SERGEF: variants seen among roughly 807,000 people sequenced by gnomAD.
The protein encoded by SERGEF is secretion-regulating guanine nucleotide exchange factor.
SERGEF carries 51 observed loss-of-function variants against 50.0 expected under a neutral mutation model. The ratio of observed to expected loss-of-function variants is 1.02; its 90% CI spans 0.81 to 1.29. The LOEUF is 1.29. Among genes scored for constraint, SERGEF ranks in the 50% most tolerant of loss-of-function variants. The pLI is 0.00. For synonymous variants in SERGEF, 205 were observed against 212.4 expected, an observed-to-expected ratio of 0.97 and a Z score of 0.30; for missense variants, 521 against 557.0, an observed-to-expected ratio of 0.94 and a Z score of 0.65.
chr11:17,998,494 TGTGA>T (rs1161389087), intron 5 of SERGEF, among the ~76,000 whole-genome samples: 7 of 118,630 alleles, frequency 5.9e-5, no homozygotes, highest in East Asian at 2.6e-4. Flanking sequence ...TATATGCATG[TGTGA>T]GTGTGTGTGT....
chr11:17,795,060 C>CT (rs1437078466), intron 10 of SERGEF, among the ~76,000 whole-genome samples: 1 of 152,202 alleles, frequency 6.6e-6, no homozygotes, highest in Non-Finnish European at 1.5e-5. Flanking sequence ...CTCCTCCTGT[C>CT]TAAGAGCACG....
At chr11:17,864,908 A>C (rs1486323432) in intron 10 of SERGEF, among the ~76,000 whole-genome samples, 1 of 152,242 alleles carries the variant, frequency 6.6e-6, no homozygotes, top group African/African-American at 2.4e-5. Context: ...CCAGGAAGGC[A>C]GCCAAAGAAT....
chr11:17,854,247 C>A (rs1173986331), intron 10 of SERGEF, among the ~76,000 whole-genome samples: 1 of 152,138 alleles, frequency 6.6e-6, no homozygotes, highest in African/African-American at 2.4e-5. Context: ...CTCTACAGAA[C>A]CAACTCCCCG....
At chr11:17,977,589 C>T (rs1244806490) in intron 8 of SERGEF, among the ~76,000 whole-genome samples, 2 of 152,134 alleles carry the variant, frequency 1.3e-5, no homozygotes, top group Non-Finnish European at 2.9e-5. Context: ...TCTGTTGCCC[C>T]CTCCCTAAAG....
chr11:17,921,164 A>C (rs1054028436), intron 9 of SERGEF, among the ~76,000 whole-genome samples: 4 of 152,226 alleles, frequency 2.6e-5, no homozygotes, highest in Non-Finnish European at 5.9e-5. Context: ...TTGGTTCTGC[A>C]TTTTGACAGT....
chr11:17,932,415 T>C (rs1344768135), intron 9 of SERGEF, among the ~76,000 whole-genome samples: 2 of 152,050 alleles, frequency 1.3e-5, no homozygotes, highest in African/African-American at 4.8e-5. Flanking sequence ...AATAAGAGGA[T>C]GGCAAGTAAG....
At chr11:17,858,215 C>G (rs1224286034) in intron 10 of SERGEF, among the ~76,000 whole-genome samples, 2 of 152,164 alleles carry the variant, frequency 1.3e-5, no homozygotes, top group Non-Finnish European at 2.9e-5. Flanking sequence ...ACACACATAA[C>G]TAGGCAACCT....
chr11:17,945,194 T>G (rs1382613491), intron 9 of SERGEF, among the ~76,000 whole-genome samples: 1 of 152,274 alleles, frequency 6.6e-6, no homozygotes, highest in Non-Finnish European at 1.5e-5. Flanking sequence ...AACCATCTTT[T>G]CTATATGCCG....
rs1749519808 is a variant in SERGEF at position 17,884,539 on chromosome 11, G to A, written c.1012-6295C>T. On this transcript the variant is annotated intron_variant, in intron 9 of 10. Coordinates refer to ENST00000265965, the MANE Select transcript of SERGEF (RefSeq NM_012139.4). This position sits in a 1 kb window ranked among gnomAD's most constrained non-coding sequence, Gnocchi z 4.6. The stretch of plus-strand genomic sequence containing the variant: ...GCTTGGAAGCTGGGCACGTTTTACA[G>A]GCACACTGCAATCCAGTGAGCCACC... Among the ~76,000 whole-genome samples, 1 of 152,118 alleles carries A rather than the reference G, an allele frequency of 6.6e-6. No homozygotes were observed. Among genetic ancestry groups the A allele is most frequent in the Admixed American group, 6.5e-5 (1 of 15,278 alleles).
chr11:17,889,651 C>A (rs1851496747), intron 9 of SERGEF, among the ~76,000 whole-genome samples: 1 of 152,040 alleles, frequency 6.6e-6, no homozygotes, highest in Non-Finnish European at 1.5e-5. Context: ...ATCATTGAGA[C>A]AACTGGAAAA....
rs1332217335 is a variant in SERGEF, at chr11:17,884,466, G to A, written c.1012-6222C>T. Among the ~76,000 whole-genome samples the A allele has an allele frequency of 6.6e-6, 1 of 152,198 alleles. No individual in the cohort carries two copies. The highest frequency in any genetic ancestry group is 6.5e-5 in the Admixed American group (1 of 15,292). ...CTGCCCAAACCCGGTTTCCATCCGT[G>A]TATCTCTGGGGTGACAACCAGAATT... On this transcript the variant is annotated intron_variant, in intron 9 of 10. Transcript: ENST00000265965. The surrounding 1 kb of genome is among the most constrained non-coding windows in gnomAD (Gnocchi z 4.6).
intron 10 of SERGEF, among the ~76,000 whole-genome samples, chr11:17,795,730 G>C (rs1233550168): frequency 6.6e-6 from 1 of 152,178 alleles, no homozygotes; most frequent in Non-Finnish European, 1.5e-5. Flanking sequence ...TTCTGGTTTA[G>C]GACTTGTGCT....
At chr11:17,909,620 A>T (rs1426364403) in intron 9 of SERGEF, among the ~76,000 whole-genome samples, 1 of 152,252 alleles carries the variant, frequency 6.6e-6, no homozygotes, top group Non-Finnish European at 1.5e-5. Flanking sequence ...CTAAGGTATC[A>T]TCATGCTATT....
chr11:17,971,563 AC>A (rs1009648822), intron 8 of SERGEF, among the ~76,000 whole-genome samples: 2 of 152,236 alleles, frequency 1.3e-5, no homozygotes, highest in Non-Finnish European at 2.9e-5. Context: ...TTTTAAGCCC[AC>A]TGTTGAGACC....
At chr11:17,919,526 G>A (rs1852114500) in intron 9 of SERGEF, among the ~76,000 whole-genome samples, 1 of 152,182 alleles carries the variant, frequency 6.6e-6, no homozygotes, top group Admixed American at 6.5e-5. Flanking sequence ...GAAGTTTGGA[G>A]TCTGGGTAAC....
chr11:17,957,083 C>T (rs1253390352), intron 9 of SERGEF, among the ~76,000 whole-genome samples: 3 of 152,196 alleles, frequency 2.0e-5, no homozygotes, highest in Non-Finnish European at 4.4e-5. Flanking sequence ...AGAGCGTCTA[C>T]ACTCCAGCAC....
intron 10 of SERGEF, among the ~76,000 whole-genome samples, chr11:17,841,236 C>T (rs1244275497): frequency 1.3e-5 from 2 of 152,194 alleles, no homozygotes; most frequent in Non-Finnish European, 2.9e-5. Context: ...CATGGAATAT[C>T]CATACCCAGA....
chr11:17,813,923 A>G (rs1849917676), intron 10 of SERGEF, among the ~76,000 whole-genome samples: 1 of 152,254 alleles, frequency 6.6e-6, no homozygotes, highest in Admixed American at 6.5e-5. Context: ...CCTGAGATGT[A>G]AACTCAGCAG....
intron 8 of SERGEF, among the ~76,000 whole-genome samples, chr11:17,974,950 C>T (rs781592317): frequency 9.2e-5 from 14 of 152,096 alleles, no homozygotes; most frequent in South Asian, 8.3e-4. Flanking sequence ...GGAGAAAGTG[C>T]GCAGAAGAGA....
Sources: allele counts gnomAD v4.1 joint callset (sites outside exome capture counted in the v4.1 genomes callset), GRCh38; gene constraint gnomAD v4.1.1; non-coding constraint Gnocchi (gnomAD v3.1); transcripts MANE v1.5; gene names NCBI Gene and HGNC (gene_info 2026-07-23, HGNC 2026-07-21).